RAB12: variants seen among roughly 807,000 people sequenced by gnomAD.
The protein encoded by RAB12 is RAB12, member RAS oncogene family, also known as ras-related protein Rab-12.
Under a neutral mutation model 28.4 loss-of-function variants are expected in RAB12, and 11 were observed. The observed-to-expected ratio is 0.39, with a 90% confidence interval of 0.24 to 0.64. The LOEUF (loss-of-function observed/expected upper bound fraction) is 0.64. Among genes scored for constraint, RAB12 ranks in the 30% least tolerant of loss-of-function variants. The pLI is 0.50. For synonymous variants in RAB12, 138 were observed against 145.3 expected (o/e 0.95, Z 0.36); for missense variants, 276 against 351.1 (o/e 0.79, Z 1.71).
chr18:8,630,167 C>G (rs1352012851), intron 2 of RAB12, among the ~76,000 whole-genome samples: 1 of 152,176 alleles, frequency 6.6e-6, no homozygotes, highest in Non-Finnish European at 1.5e-5. Context: ...GTCCTGACAA[C>G]CTGTGCCCAA....
At chr18:8,637,085 G>A (rs1417550926) in intron 5 of RAB12, among the ~76,000 whole-genome samples, 1 of 152,010 alleles carries the variant, frequency 6.6e-6, no homozygotes, top group Non-Finnish European at 1.5e-5. Context: ...GCAACACAGT[G>A]AAGCCCCATC....
rs2096002738 is a variant in RAB12, at chr18:8,609,889, C to T, written c.450C>T (p.Gly150=). 1 of 1,605,902 alleles carries T rather than the reference C, an allele frequency of 6.2e-7. No homozygotes were observed. The highest frequency in any genetic ancestry group is 8.5e-7 in the Non-Finnish European group (1 of 1,177,018). Reference sequence around the variant, plus strand: ...TCATTATCGGCTCCCGCGGCGTGGGCAAGACCAGCCTGATGGAGCGCTTCA... The same window carrying T: ...TCATTATCGGCTCCCGCGGCGTGGGTAAGACCAGCCTGATGGAGCGCTTCA... The part of the protein sequence containing the change: ...QVIIIGSRGV[G]KTSLMERFTD... Residue 150 remains glycine, a synonymous_variant, in exon 1 of 6, where the codon GGC becomes GGT. Coordinates refer to ENST00000649141, the MANE Select transcript of RAB12 (RefSeq NM_001025300.3).
At chr18:8,620,130 T>TTTC (rs1567893725) in intron 1 of RAB12, among the ~76,000 whole-genome samples, 1 of 119,994 alleles carries the variant, frequency 8.3e-6, no homozygotes, top group Non-Finnish European at 1.6e-5. Context: ...TTCTTTTTTT[T>TTTC]TTCTTCTTCT....
chr18:8,615,961 C>T (rs2096006449), intron 1 of RAB12, among the ~76,000 whole-genome samples: 1 of 152,208 alleles, frequency 6.6e-6, no homozygotes, highest in Non-Finnish European at 1.5e-5. Flanking sequence ...GATCTTGGAA[C>T]TGGCTGTAGA....
At chr18:8,617,413 C>T (rs1451683420) in intron 1 of RAB12, among the ~76,000 whole-genome samples, 1 of 150,898 alleles carries the variant, frequency 6.6e-6, no homozygotes, top group Non-Finnish European at 1.5e-5. Context: ...AATTTTTTTG[C>T]ATATGAAGAA....
rs762289949 is a variant in RAB12 at position 8,638,287 on chromosome 18, A to G, written c.*25A>G. 50 of 1,523,986 alleles carry G rather than the reference A, an allele frequency of 3.3e-5. No homozygotes were observed. Among genetic ancestry groups the G allele is most frequent in the Non-Finnish European group, 1.5e-5 (16 of 1,099,162 alleles). The allele number at this position is 1,523,986 out of a possible 1,614,324, so 94.4% of individuals were successfully genotyped here. ...ATTTCCTACTTTGGAGACAAAGTGG[A>G]AATGATTCCTGGAAAGGGGAAAAAA... On this transcript the variant is annotated 3_prime_UTR_variant, in exon 6 of 6. Coordinates refer to ENST00000649141, the MANE Select transcript of RAB12 (RefSeq NM_001025300.3).
intron 2 of RAB12, among the ~76,000 whole-genome samples, chr18:8,632,561 C>T (rs1270685125): frequency 6.6e-6 from 1 of 152,092 alleles, no homozygotes; most frequent in East Asian, 1.9e-4. Flanking sequence ...GCCACATGTG[C>T]CCCACGCCTG....
chr18:8,638,057 G>A, intron 5 of RAB12, 92 bp from the exon 6 acceptor site: 1 of 743,460 alleles, frequency 1.3e-6, no homozygotes, highest in Admixed American at 2.2e-5. Context: ...TGTATAAGTG[G>A]ACCTGTGCAG....
At chr18:8,614,541 A>G in intron 1 of RAB12, among the ~76,000 whole-genome samples, 1 of 151,730 alleles carries the variant, frequency 6.6e-6, no homozygotes, top group East Asian at 1.9e-4. Flanking sequence ...ACTTAAAAAA[A>G]TTAGGAAAGA....
At chr18:8,614,817 C>T (rs2096005871) in intron 1 of RAB12, among the ~76,000 whole-genome samples, 1 of 152,180 alleles carries the variant, frequency 6.6e-6, no homozygotes, top group African/African-American at 2.4e-5. Flanking sequence ...AAATCCTGAC[C>T]TTGTGATCCA....
At chr18:8,636,806 C>G (rs2096019228) in intron 5 of RAB12, among the ~76,000 whole-genome samples, 1 of 152,204 alleles carries the variant, frequency 6.6e-6, no homozygotes, top group Non-Finnish European at 1.5e-5. Flanking sequence ...AGAGACCTTT[C>G]CATGATGCTG....
intron 1 of RAB12, among the ~76,000 whole-genome samples, chr18:8,616,685 A>G (rs2096006852): frequency 6.6e-6 from 1 of 151,084 alleles, no homozygotes; most frequent in Non-Finnish European, 1.5e-5. Context: ...CTGCAGTCAA[A>G]TTTTCACTTT....
intron 1 of RAB12, among the ~76,000 whole-genome samples, chr18:8,617,267 C>T (rs1333785701): frequency 6.6e-6 from 1 of 152,134 alleles, no homozygotes; most frequent in Non-Finnish European, 1.5e-5. Context: ...TAAAAAAATC[C>T]TTACCCTTTA....
intron 1 of RAB12, among the ~76,000 whole-genome samples, chr18:8,624,091 G>A (rs1483329508): frequency 2.6e-5 from 4 of 152,222 alleles, no homozygotes; most frequent in Non-Finnish European, 4.4e-5. Context: ...AGCTGGGATC[G>A]TCTACACCCT....
intron 3 of RAB12, among the ~76,000 whole-genome samples, chr18:8,633,970 G>A (rs1241826056): frequency 6.6e-6 from 1 of 152,116 alleles, no homozygotes; most frequent in Non-Finnish European, 1.5e-5. Flanking sequence ...CACATTTTGA[G>A]TTTTCTTCCC....
At chr18:8,613,144 A>G (rs930295500) in intron 1 of RAB12, among the ~76,000 whole-genome samples, 8 of 152,102 alleles carry the variant, frequency 5.3e-5, no homozygotes, top group African/African-American at 1.9e-4. Context: ...AGGGTATGAA[A>G]AACAGAGGTT....
chr18:8,635,120 T>C (rs1189283121), intron 3 of RAB12: 1 of 154,190 alleles, frequency 6.5e-6, no homozygotes, highest in African/African-American at 2.4e-5. Flanking sequence ...CCTTCCTGTG[T>C]CATTCTCTGT....
chr18:8,618,976 A>G (rs1255842798), intron 1 of RAB12, among the ~76,000 whole-genome samples: 1 of 151,988 alleles, frequency 6.6e-6, no homozygotes, highest in African/African-American at 2.4e-5. Context: ...TTTTCTCACA[A>G]CTCACTGAAA....
intron 2 of RAB12, among the ~76,000 whole-genome samples, chr18:8,629,721 C>T (rs1477729736): frequency 6.6e-6 from 1 of 152,220 alleles, no homozygotes; most frequent in Non-Finnish European, 1.5e-5. Flanking sequence ...GGCAGGTCTC[C>T]TCTGAAGGAA....
Sources: allele counts gnomAD v4.1 joint callset (sites outside exome capture counted in the v4.1 genomes callset), GRCh38; gene constraint gnomAD v4.1.1; transcripts MANE v1.5; gene names NCBI Gene and HGNC (gene_info 2026-07-23, HGNC 2026-07-21).